ABCG5: variants seen among roughly 807,000 people sequenced by gnomAD.
ABCG5 encodes ATP-binding cassette sub-family G member 5.
In ABCG5, 64 loss-of-function variants were observed where a neutral mutation model predicts 64.5. The observed-to-expected ratio is 0.99, with a 90% CI of 0.81 to 1.22. The LOEUF is 1.22. Among genes scored for constraint, ABCG5 ranks in the 50% most tolerant of loss-of-function variants. The pLI is 0.00. For missense variants in ABCG5, 908 were observed against 829.5 expected (o/e 1.09, Z -1.16); for synonymous variants, 385 against 326.3 (o/e 1.18, Z -1.94).
At position 43,837,941 on chromosome 2, in the gene ABCG5, G is replaced by A. The variant is rs1395568891; in HGVS notation, c.158C>T (p.Pro53Leu). 4.3e-6 allele frequency: 7 copies of A among 1,614,012 alleles called. No homozygotes were observed. In the East Asian group the frequency reaches 1.6e-4, roughly 36 times the overall value. Residue 53 changes from proline (P) to leucine (L), a missense_variant, in exon 2 of 13, where the codon CCC (proline) becomes CTC (leucine). Physicochemically the swap from Pro to Leu is moderately conservative, Grantham distance 98. Transcript: ENST00000405322. ...CCGGCAAGATGTGATGTCCCACCAGGGCCTCACGCGGTGGCTTTAAAGGAA... is the reference window on the plus strand; with the variant it reads ...CCGGCAAGATGTGATGTCCCACCAGAGCCTCACGCGGTGGCTTTAAAGGAA... Reference protein sequence around the residue: ...ASYSVSHRVRPWWDITSCRQQ... With the variant: ...ASYSVSHRVRLWWDITSCRQQ...
chr2:43,836,956 G>T (rs534943948), intron 2 of ABCG5, among the ~76,000 whole-genome samples: 1 of 149,136 alleles, frequency 6.7e-6, no homozygotes, highest in African/African-American at 2.4e-5. Flanking sequence ...TTGAGCTCAG[G>T]AGGTTAAGGA....
chr2:43,836,257 C>A (rs977543295), intron 2 of ABCG5, among the ~76,000 whole-genome samples: 2 of 152,064 alleles, frequency 1.3e-5, no homozygotes, highest in African/African-American at 2.4e-5. Flanking sequence ...TTCCTCTTAA[C>A]AACACTACTG....
At chr2:43,822,423 CTGAA>C (rs1667274257) in intron 10 of ABCG5, 2 of 747,046 alleles carry the variant, frequency 2.7e-6, no homozygotes, top group Non-Finnish European at 3.3e-6. Context: ...TTCCCACCCT[CTGAA>C]TGTGTCTGTT....
chr2:43,819,890 A>T lies in ABCG5; in HGVS notation c.1649+25T>A, dbSNP rs544907074. The T allele has an allele frequency of 3.1e-6, 5 of 1,613,294 alleles. No homozygotes were observed. In the Admixed American group the frequency reaches 5.0e-5, roughly 16 times the overall value. On this transcript the variant is annotated intron_variant, in intron 11 of 12. Transcript: ENST00000405322. ...ATTAATAACAGATTATCCCAATCTA[A>T]ATTTTTTGAATTATGATATCTTACC...
chr2:43,819,530 T>C (rs144042134), intron 11 of ABCG5, among the ~76,000 whole-genome samples: 1 of 151,914 alleles, frequency 6.6e-6, no homozygotes, highest in Non-Finnish European at 1.5e-5. Flanking sequence ...TAACTGGGAA[T>C]TGAGAACTGC....
Position 43,825,035 on chromosome 2 carries a change from C to T in ABCG5, c.775-17G>A, listed in dbSNP as rs368001054. On this transcript the variant is annotated splice_polypyrimidine_tract_variant and intron_variant, in intron 6 of 12. Coordinates refer to ENST00000405322, the MANE Select transcript of ABCG5 (RefSeq NM_022436.3). ...GTCAAAGAGCTGACCAGACAACAGA[C>T]GTAGTTAGTGTGTGATCACAAGGGT... The T allele has an allele frequency of 1.4e-4, 222 of 1,612,800 alleles. 1 individual carries two copies. Among genetic ancestry groups the T allele is most frequent in the Middle Eastern group, 6.6e-4 (4 of 6,054 alleles).
chr2:43,814,513 C>G lies in ABCG5; in HGVS notation c.1726G>C (p.Val576Leu), dbSNP rs1666691692. The change falls in exon 12 of 13, where the codon GTA (valine) becomes CTA (leucine). Residue 576 changes from valine to leucine, a missense_variant. By Grantham distance (32) the Val-to-Leu change is conservative. Transcript: ENST00000405322. ...TTCAGTCCGTAGAACTCATTGACTA[C>G]AAGAATCTCACTGCAATATTTTTGG... ...TFQKYCSEIL[V>L]VNEFYGLNFT... The G allele has an allele frequency of 6.2e-6, 10 of 1,608,866 alleles. No homozygotes were observed. Among genetic ancestry groups the G allele is most frequent in the Non-Finnish European group, 8.5e-6 (10 of 1,175,622 alleles).
rs1572790209 is a variant in ABCG5, at chr2:43,831,956, G to C, written c.393C>G (p.Tyr131Ter). Residue 131 changes from tyrosine (Y) to a stop codon, truncating the protein, a stop_gained, in exon 3 of 13, where the codon TAC (tyrosine) becomes TAG (stop). Coordinates refer to ENST00000405322, the MANE Select transcript of ABCG5 (RefSeq NM_022436.3). LOFTEE classifies it high-confidence loss of function. ...TGGGGGACGCGCCCACCTGCAGGAC[G>C]TAGGAGAAGCAGTCCTGGAACTGCT... The part of the protein sequence containing the change: ...RREQFQDCFS[Y>*]VLQSDTLLSS... 1 of 1,550,158 alleles carries C rather than the reference G, an allele frequency of 6.5e-7. No homozygotes were observed. Among genetic ancestry groups the C allele is most frequent in the East Asian group, 2.4e-5 (1 of 41,014 alleles).
At position 43,828,133 on chromosome 2, in the gene ABCG5, T is replaced by C; in HGVS notation, c.502-18A>G. 1 of 1,613,608 alleles carries C rather than the reference T, an allele frequency of 6.2e-7. No individual in the cohort carries two copies. The stretch of plus-strand genomic sequence containing the variant: ...GCCTCCACCTGCAGGAGACACAAAT[T>C]ACAGGAAGGCTGGGAGTCTCTGTGG... On this transcript the variant is annotated intron_variant, in intron 4 of 12. Transcript: ENST00000405322.
chr2:43,823,791 T>C, intron 9 of ABCG5, 122 bp downstream of exon 9: 1 of 1,155,858 alleles, frequency 8.7e-7, no homozygotes, highest in Non-Finnish European at 1.2e-6. Flanking sequence ...AGAGGGAACC[T>C]GGAGAGGGCT....
chr2:43,827,099 C>CAGATCACCTGAGGTCAGGAGTTCG (rs1667659030), intron 5 of ABCG5, among the ~76,000 whole-genome samples: 2 of 152,124 alleles, frequency 1.3e-5, no homozygotes, highest in Admixed American at 6.6e-5. Context: ...TCAAGGCAGG[C>CAGATCACCTGAGGTCAGGAGTTCG]AGATCACCTG....
At position 43,838,488 on chromosome 2, in the gene ABCG5, CG is replaced by C; in HGVS notation, c.143+48del. On this transcript the variant is annotated intron_variant, in intron 1 of 12. Coordinates refer to ENST00000405322, the MANE Select transcript of ABCG5 (RefSeq NM_022436.3). This position sits in a 1 kb window ranked among gnomAD's most constrained non-coding sequence, Gnocchi z 4.2. ...AGAAAGGCAGCAGAGGGGTGAGCGC[CG>C]GGCCCCGCACTCCTGGGGGAGCAGC... The C allele has an allele frequency of 5.8e-6, 9 of 1,540,326 alleles. No individual in the cohort carries two copies. Among genetic ancestry groups the C allele is most frequent in the Non-Finnish European group, 7.9e-6 (9 of 1,134,764 alleles).
chr2:43,806,568 C>T, the ABCG5 span, among the ~76,000 whole-genome samples: 1 of 152,008 alleles, frequency 6.6e-6, no homozygotes, highest in South Asian at 2.1e-4. Flanking sequence ...ATGTTTGCAG[C>T]CTGGCTATAA....
Position 43,838,160 on chromosome 2 carries a change from G to A in ABCG5, c.144-205C>T. On this transcript the variant is annotated intron_variant, in intron 1 of 12. Transcript: ENST00000405322. This position sits in a 1 kb window ranked among gnomAD's most constrained non-coding sequence, Gnocchi z 4.2. ...GCCACGTAGGGAGGGGGCCTGTGCT[G>A]GAGTTGCTCTGAATGTCCTGTCCGT... 2 of 662,976 alleles carry A rather than the reference G, an allele frequency of 3.0e-6. No individual in the cohort carries two copies. Among genetic ancestry groups the A allele is most frequent in the South Asian group, 3.7e-5 (2 of 53,486 alleles). 41.1% of individuals were successfully genotyped at this position (662,976 alleles called of 1,614,324 possible).
chr2:43,809,503 C>T (rs1666403476), downstream of ABCG5, among the ~76,000 whole-genome samples: 1 of 152,114 alleles, frequency 6.6e-6, no homozygotes, highest in Non-Finnish European at 1.5e-5. Flanking sequence ...GCTGCTTAGC[C>T]ACACAGAAAC....
At chr2:43,826,027 G>C (rs1289492619) in intron 6 of ABCG5, among the ~76,000 whole-genome samples, 1 of 152,156 alleles carries the variant, frequency 6.6e-6, no homozygotes, top group Non-Finnish European at 1.5e-5. Context: ...CCAGGCTAGA[G>C]TGCAATGGCA....
At chr2:43,817,541 C>A (rs11891859) in intron 11 of ABCG5, among the ~76,000 whole-genome samples, 39,982 of 151,782 alleles carry the variant, frequency 0.26, 8,648 homozygotes, top group African/African-American at 0.59. Flanking sequence ...TTTCCTAAAA[C>A]CCTAATACAA....
intron 4 of ABCG5, 97 bp downstream of exon 4, chr2:43,831,657 GAAGGAGTGACGAGCA>G: frequency 5.4e-6 from 6 of 1,103,166 alleles, no homozygotes; most frequent in Non-Finnish European, 7.9e-6. Context: ...GCTCTAGAGT[GAAGGAGTGACGAGCA>G]AAGGGAAGGA....
chr2:43,837,779 A>G (rs1340967417), intron 2 of ABCG5, 55 bp downstream of exon 2: 3 of 1,610,202 alleles, frequency 1.9e-6, no homozygotes, highest in East Asian at 2.2e-5. Flanking sequence ...TGTTTCTTCA[A>G]TGTGGAGTTT....
Sources: gnomAD v4.1 joint callset for allele counts (sites outside exome capture counted in the v4.1 genomes callset) on GRCh38, gnomAD v4.1.1 for gene constraint, Gnocchi (gnomAD v3.1) non-coding constraint, MANE v1.5 for transcripts, NCBI Gene and HGNC (gene_info 2026-07-23, HGNC 2026-07-21) for gene names.